CCDC91: variants seen among roughly 807,000 people sequenced by gnomAD.
The protein encoded by CCDC91 is coiled-coil domain containing 91.
CCDC91 carries 48 observed loss-of-function variants against 63.2 expected under a neutral mutation model. The ratio of observed to expected loss-of-function variants is 0.76; its 90% CI spans 0.60 to 0.97. The LOEUF (loss-of-function observed/expected upper bound fraction) is 0.97. CCDC91 is among the 50% of genes least tolerant of loss of function. The pLI is 0.00. For synonymous variants in CCDC91, 167 were observed against 165.8 expected, an observed-to-expected ratio of 1.01 and a Z score of -0.06; for missense variants, 500 against 494.6, an observed-to-expected ratio of 1.01 and a Z score of -0.10.
intron 12 of CCDC91, among the ~76,000 whole-genome samples, chr12:28,512,142 G>A (rs906776387): frequency 1.3e-4 from 19 of 151,780 alleles, no homozygotes; most frequent in African/African-American, 3.1e-4. Context: ...ATTCCTCTGC[G>A]AATAGGTTCT....
chr12:28,518,386 T>A (rs1317807146), intron 12 of CCDC91, among the ~76,000 whole-genome samples: 1 of 152,130 alleles, frequency 6.6e-6, no homozygotes, highest in Non-Finnish European at 1.5e-5. Context: ...TCATTAGTGA[T>A]GTTGAGCATT....
At position 28,204,240 on chromosome 12, in the gene CCDC91, C is replaced by T. The variant is rs530248119; in HGVS notation, c.-15+13599C>T. On this transcript the variant is annotated intron_variant, in intron 1 of 12. Coordinates refer to ENST00000536442, the MANE Select transcript of CCDC91 (RefSeq NM_018318.5). ...TTAAAATGTAGCTGTATTGCATCTTCGGGTTCTTACGATATGAATATATGT... is the reference window on the plus strand; with the variant it reads ...TTAAAATGTAGCTGTATTGCATCTTTGGGTTCTTACGATATGAATATATGT... Among the ~76,000 whole-genome samples the T allele has an allele frequency of 6.6e-5, 10 of 152,190 alleles. No individual in the cohort carries two copies. The East Asian group carries it at 7.7e-4, about 12-fold the overall frequency.
At chr12:28,520,969 C>T (rs1196224541) in intron 12 of CCDC91, among the ~76,000 whole-genome samples, 3 of 152,160 alleles carry the variant, frequency 2.0e-5, no homozygotes, top group African/African-American at 7.2e-5. Flanking sequence ...GTTTTGGTTA[C>T]TGTAGCCTTG....
chr12:28,404,778 T>C (rs977696401), intron 8 of CCDC91, among the ~76,000 whole-genome samples: 1 of 152,114 alleles, frequency 6.6e-6, no homozygotes, highest in African/African-American at 2.4e-5. Flanking sequence ...TTCTTTGCTC[T>C]GAAGTCTTCT....
intron 8 of CCDC91, among the ~76,000 whole-genome samples, chr12:28,396,588 C>A (rs149546259): frequency 6.6e-6 from 1 of 150,838 alleles, no homozygotes; most frequent in East Asian, 2.0e-4. Context: ...GAAGAGAAAC[C>A]GGAGACTTTG....
At chr12:28,291,604 T>G (rs1390188538) in intron 3 of CCDC91, among the ~76,000 whole-genome samples, 2 of 152,226 alleles carry the variant, frequency 1.3e-5, no homozygotes, top group African/African-American at 4.8e-5. Context: ...GGAGCTTCTT[T>G]GCGGTCTACC....
intron 1 of CCDC91, among the ~76,000 whole-genome samples, chr12:28,205,732 TAA>T (rs1942795692): frequency 6.6e-6 from 1 of 152,190 alleles, no homozygotes; most frequent in African/African-American, 2.4e-5. Flanking sequence ...TGGAATTGGC[TAA>T]GACTCAGCTA....
intron 7 of CCDC91, among the ~76,000 whole-genome samples, chr12:28,370,775 G>A (rs1349459265): frequency 6.6e-6 from 1 of 152,076 alleles, no homozygotes; most frequent in Non-Finnish European, 1.5e-5. Flanking sequence ...ACTTATAATC[G>A]TGGCAGAAGG....
At chr12:28,267,930 AT>A (rs1168992747) in intron 3 of CCDC91, among the ~76,000 whole-genome samples, 7 of 83,088 alleles carry the variant, frequency 8.4e-5, no homozygotes, top group South Asian at 3.0e-4. Flanking sequence ...TTATAATTAT[AT>A]ATAATTATAT....
At chr12:28,241,938 G>A (rs1258600949) in intron 1 of CCDC91, among the ~76,000 whole-genome samples, 2 of 145,864 alleles carry the variant, frequency 1.4e-5, no homozygotes, top group African/African-American at 2.6e-5. Flanking sequence ...GGAGGTTGCA[G>A]TGTGCTGATA....
At chr12:28,459,995 T>G (rs981997769) in intron 11 of CCDC91, among the ~76,000 whole-genome samples, 1 of 152,152 alleles carries the variant, frequency 6.6e-6, no homozygotes, top group Admixed American at 6.6e-5. Flanking sequence ...AATTTACATA[T>G]AGGTACTTGT....
At chr12:28,435,313 TC>T (rs1391969976) in intron 8 of CCDC91, among the ~76,000 whole-genome samples, 6 of 151,758 alleles carry the variant, frequency 4.0e-5, no homozygotes, top group African/African-American at 1.4e-4. Context: ...GTTTTTTTTT[TC>T]TTTTAGTTCA....
intron 12 of CCDC91, among the ~76,000 whole-genome samples, chr12:28,542,118 A>G (rs773663857): frequency 9.2e-5 from 14 of 152,088 alleles, no homozygotes; most frequent in Non-Finnish European, 1.9e-4. Context: ...ATGGAAAGTT[A>G]TAGTAGATTC....
At chr12:28,285,837 G>A (rs1201195430) in intron 3 of CCDC91, among the ~76,000 whole-genome samples, 6 of 151,892 alleles carry the variant, frequency 4.0e-5, no homozygotes, top group African/African-American at 1.4e-4. Flanking sequence ...AGGAGACTTT[G>A]CATATCTATG....
At chr12:28,417,607 C>A (rs997404881) in intron 8 of CCDC91, among the ~76,000 whole-genome samples, 1 of 135,456 alleles carries the variant, frequency 7.4e-6, no homozygotes, top group Non-Finnish European at 1.6e-5. Context: ...AGCTGTACAA[C>A]GTGAACCTTT....
chr12:28,197,273 G>A (rs766893035), intron 1 of CCDC91, among the ~76,000 whole-genome samples: 2 of 152,032 alleles, frequency 1.3e-5, no homozygotes, highest in East Asian at 1.9e-4. Flanking sequence ...CTTAGAAATC[G>A]GTCTAGTTCA....
intron 7 of CCDC91, among the ~76,000 whole-genome samples, chr12:28,374,807 A>T (rs1944843979): frequency 6.6e-6 from 1 of 152,164 alleles, no homozygotes; most frequent in African/African-American, 2.4e-5. Context: ...CTCTGTGTTC[A>T]TACAACTTTA....
chr12:28,417,263 A>G (rs1323592242), intron 8 of CCDC91, among the ~76,000 whole-genome samples: 1 of 152,082 alleles, frequency 6.6e-6, no homozygotes, highest in African/African-American at 2.4e-5. Context: ...TTAAAAAGCT[A>G]TACTTTGCAT....
intron 3 of CCDC91, among the ~76,000 whole-genome samples, chr12:28,296,306 A>G (rs1221757954): frequency 6.6e-6 from 1 of 151,888 alleles, no homozygotes; most frequent in Non-Finnish European, 1.5e-5. Context: ...CATTTGCAGA[A>G]TTCCGAAATT....
Sources: gnomAD v4.1 joint callset for allele counts (sites outside exome capture counted in the v4.1 genomes callset) on GRCh38, gnomAD v4.1.1 for gene constraint, MANE v1.5 for transcripts, NCBI Gene and HGNC (gene_info 2026-07-23, HGNC 2026-07-21) for gene names.